Variants in PIK3R5 observed in about 807,000 individuals in gnomAD.
PIK3R5 encodes phosphoinositide-3-kinase regulatory subunit 5, also known as phosphoinositide 3-kinase regulatory subunit 5.
In PIK3R5, 32 loss-of-function variants were observed where a neutral mutation model predicts 94.9. The observed-to-expected ratio is 0.34, with a 90% confidence interval of 0.25 to 0.45. The LOEUF (loss-of-function observed/expected upper bound fraction) is 0.45, where lower values mean the gene tolerates loss of function less well. PIK3R5 is among the 20% of genes least tolerant of loss of function. The pLI is 1.00. For missense variants in PIK3R5, 853 were observed against 1,144.6 expected (o/e 0.75, Z 3.68); for synonymous variants, 443 against 479.4 (o/e 0.92, Z 0.99).
rs2090535312 is a variant in PIK3R5, at chr17:8,911,909, C to G, written c.-13-402G>C. The G allele has an allele frequency of 6.4e-6, 1 of 157,230 alleles. No individual in the cohort carries two copies. Among genetic ancestry groups the G allele is most frequent in the Non-Finnish European group, 1.4e-5 (1 of 71,116 alleles). 9.7% of individuals were successfully genotyped at this position (157,230 alleles called of 1,614,324 possible). On this transcript the variant is annotated intron_variant, in intron 1 of 18. Coordinates refer to ENST00000447110, the MANE Select transcript of PIK3R5 (RefSeq NM_001142633.3). The surrounding 1 kb of genome is among the most constrained non-coding windows in gnomAD (Gnocchi z 5.3). The stretch of plus-strand genomic sequence containing the variant: ...GGAGGACTTTTTCTGAATTTCCAGG[C>G]TGTGTTTTCCAAACCTCCAGGGATG...
rs2151373115 is a variant in PIK3R5 at position 8,889,775 on chromosome 17, A to C, written c.811+198T>G. On this transcript the variant is annotated intron_variant, in intron 8 of 18. Coordinates refer to ENST00000447110, the MANE Select transcript of PIK3R5 (RefSeq NM_001142633.3). The surrounding 1 kb of genome is among the most constrained non-coding windows in gnomAD (Gnocchi z 4.1). ...TTTCCTCTTCCCACAAGCTGCCATC[A>C]TGATAGCACCCCCACCCTGCCCCTA... Among the ~76,000 whole-genome samples the C allele has an allele frequency of 6.6e-6, 1 of 152,228 alleles. No homozygotes were observed. The highest frequency in any genetic ancestry group is 1.9e-4 in the East Asian group (1 of 5,180).
In PIK3R5 at chr17:8,887,311, T is replaced by A. The variant is rs61761065; in HGVS notation, c.1780-90A>T. 7.5e-3 allele frequency: 11,434 copies of A among 1,529,430 alleles called. 739 individuals carry two copies. The African/African-American group carries it at 0.13, about 18-fold the overall frequency. The allele number at this position is 1,529,430 out of a possible 1,614,324, so 94.7% of individuals were successfully genotyped here. A position where few individuals can be genotyped will look rare whatever the true frequency, so the allele number is the denominator to read the frequency against. On this transcript the variant is annotated intron_variant, in intron 11 of 18. Transcript: ENST00000447110. ...GCCTTGGATGGCACCTGCAGCCCCA[T>A]GCTGAGCTTCTCCCTGCCCTTGGGG...
chr17:8,959,340 T>C (rs775806657), intron 1 of PIK3R5, among the ~76,000 whole-genome samples: 5 of 152,190 alleles, frequency 3.3e-5, no homozygotes, highest in Non-Finnish European at 7.3e-5. Flanking sequence ...GAACAGGAGT[T>C]ATTAACCTGG....
At chr17:8,953,493 C>G (rs770674163) in intron 1 of PIK3R5, among the ~76,000 whole-genome samples, 1 of 152,196 alleles carries the variant, frequency 6.6e-6, no homozygotes, top group Non-Finnish European at 1.5e-5. Flanking sequence ...CAACAGCTAT[C>G]ATAGCACCGT....
Position 8,909,035 on chromosome 17 carries a change from G to T in PIK3R5, c.204+39C>A. The stretch of plus-strand genomic sequence containing the variant: ...ACCTATTTCTCCACTCTACGAGGCC[G>T]ACCCCAGATCTGCCCTTCAATTCCT... On this transcript the variant is annotated intron_variant, in intron 3 of 18. Coordinates refer to ENST00000447110, the MANE Select transcript of PIK3R5 (RefSeq NM_001142633.3). This position sits in a 1 kb window ranked among gnomAD's most constrained non-coding sequence, Gnocchi z 4.3. The T allele has an allele frequency of 1.5e-6, 2 of 1,301,698 alleles. No individual in the cohort carries two copies. The highest frequency in any genetic ancestry group is 2.5e-5 in the South Asian group (2 of 80,846). 80.6% of individuals were successfully genotyped at this position (1,301,698 alleles called of 1,614,324 possible).
At chr17:8,962,819 C>T (rs78831305) in intron 1 of PIK3R5, among the ~76,000 whole-genome samples, 2,498 of 152,190 alleles carry the variant, frequency 0.016, 71 homozygotes, top group African/African-American at 0.055. Flanking sequence ...ATGTTTGCTA[C>T]GGGAGGGTAT....
rs370330027 is a variant in PIK3R5, at chr17:8,911,440, G to A, written c.55C>T (p.Arg19Cys). The A allele has an allele frequency of 2.3e-5, 37 of 1,599,932 alleles. No homozygotes were observed. The highest frequency in any genetic ancestry group is 2.8e-5 in the Non-Finnish European group (33 of 1,179,910). ...TEDRIQHALE[R>C]CLHGLSLSRR... is the part of the protein sequence containing the mutation. ...CTGAGGCTGAGTCCATGCAGGCAGCGTTCCAGGGCATGCTGGATGCGGTCC... is the reference window on the plus strand; with the variant it reads ...CTGAGGCTGAGTCCATGCAGGCAGCATTCCAGGGCATGCTGGATGCGGTCC... The change falls in exon 2 of 19, where the codon CGC becomes TGC. Residue 19 changes from arginine (R) to cysteine (C), a missense_variant. Around this residue, in one of 6 missense-constraint regions of PIK3R5, gnomAD observed 108 missense variants for 170.1 expected, o/e 0.63. Coordinates refer to ENST00000447110, the MANE Select transcript of PIK3R5 (RefSeq NM_001142633.3). The surrounding 1 kb of genome is among the most constrained non-coding windows in gnomAD (Gnocchi z 5.3).
intron 1 of PIK3R5, among the ~76,000 whole-genome samples, chr17:8,953,631 A>G (rs1021426293): frequency 3.3e-5 from 5 of 152,246 alleles, no homozygotes; most frequent in Non-Finnish European, 7.3e-5. Flanking sequence ...TCAGGTCTTC[A>G]GAAGTCAGGT....
intron 1 of PIK3R5, among the ~76,000 whole-genome samples, chr17:8,957,773 C>A (rs553459127): frequency 6.6e-6 from 1 of 152,188 alleles, no homozygotes; most frequent in East Asian, 1.9e-4. Context: ...CCTGGGAGGA[C>A]TGAGGAAGAG....
intron 3 of PIK3R5, among the ~76,000 whole-genome samples, chr17:8,908,873 T>A (rs896039289): frequency 1.3e-5 from 2 of 152,228 alleles, no homozygotes; most frequent in Non-Finnish European, 2.9e-5. Flanking sequence ...TCGCGTATGA[T>A]GTGTTCTTAC....
intron 1 of PIK3R5, among the ~76,000 whole-genome samples, chr17:8,919,095 G>A (rs1030629570): frequency 3.6e-4 from 55 of 152,186 alleles, no homozygotes; most frequent in African/African-American, 1.3e-3. Context: ...AGAGACTAAG[G>A]AGACACAAAG....
intron 1 of PIK3R5, among the ~76,000 whole-genome samples, chr17:8,927,457 C>T (rs1455637738): frequency 2.0e-5 from 3 of 152,182 alleles, no homozygotes; most frequent in South Asian, 2.1e-4. Flanking sequence ...TAGCCCCCTC[C>T]CACTCCACAG....
chr17:8,900,612 G>A (rs1402947046), intron 5 of PIK3R5, among the ~76,000 whole-genome samples: 1 of 152,218 alleles, frequency 6.6e-6, no homozygotes, highest in African/African-American at 2.4e-5. Flanking sequence ...GCCATCAGCA[G>A]TGAGTGATGG....
chr17:8,897,972 A>C (rs913835425), intron 5 of PIK3R5, among the ~76,000 whole-genome samples: 1 of 151,888 alleles, frequency 6.6e-6, no homozygotes, highest in Non-Finnish European at 1.5e-5. Flanking sequence ...CTGTGTGTAA[A>C]AGAAAAATAG....
chr17:8,934,064 C>T (rs1032322075), intron 1 of PIK3R5, among the ~76,000 whole-genome samples: 1 of 152,170 alleles, frequency 6.6e-6, no homozygotes, highest in African/African-American at 2.4e-5. Context: ...CTTACCTACT[C>T]AACATTGTTC....
intron 1 of PIK3R5, among the ~76,000 whole-genome samples, chr17:8,921,486 T>C (rs1226742987): frequency 6.6e-6 from 1 of 152,142 alleles, no homozygotes; most frequent in Non-Finnish European, 1.5e-5. Context: ...GAAATGTTCA[T>C]AGAAACCCAA....
chr17:8,883,308 C>T (rs1438883070), intron 15 of PIK3R5, among the ~76,000 whole-genome samples: 1 of 152,206 alleles, frequency 6.6e-6, no homozygotes, highest in African/African-American at 2.4e-5. Context: ...GCGGATGTTG[C>T]AGTGAGCCAA....
intron 15 of PIK3R5, among the ~76,000 whole-genome samples, chr17:8,883,038 C>T (rs2089719036): frequency 6.6e-6 from 1 of 152,216 alleles, no homozygotes; most frequent in Middle Eastern, 3.2e-3. Context: ...CATAAGCCCC[C>T]TTAATGGATA....
In PIK3R5 at chr17:8,919,854, CTCTT is replaced by C. The variant is rs71135930; in HGVS notation, c.-13-8351_-13-8348del. Among the ~76,000 whole-genome samples the C allele has an allele frequency of 7.4e-3, 1,106 of 149,154 alleles. 5 individuals carry two copies. The highest frequency in any genetic ancestry group is 0.031 in the South Asian group (146 of 4,754). ...TCCTCTCCTCTCCTTCTCTCTCTCT[CTCTT>C]TCTTTCTTTCTCTTTTTTTCTTTTT... is the stretch of plus-strand genomic sequence containing the variant. On this transcript the variant is annotated intron_variant, in intron 1 of 18. Coordinates refer to ENST00000447110, the MANE Select transcript of PIK3R5 (RefSeq NM_001142633.3).
Sources: allele counts gnomAD v4.1 joint callset (sites outside exome capture counted in the v4.1 genomes callset), GRCh38; gene constraint gnomAD v4.1.1; regional missense constraint gnomAD v4.1.1; non-coding constraint Gnocchi (gnomAD v3.1); transcripts MANE v1.5; gene names NCBI Gene and HGNC (gene_info 2026-07-23, HGNC 2026-07-21).